SUGCT: variants seen among roughly 807,000 people sequenced by gnomAD.
SUGCT encodes succinyl-CoA:glutarate CoA-transferase.
In SUGCT, 41 loss-of-function variants were observed where a neutral mutation model predicts 55.0. The observed-to-expected ratio is 0.74, with a 90% confidence interval of 0.58 to 0.97. The LOEUF (loss-of-function observed/expected upper bound fraction) is 0.97, where lower values mean the gene tolerates loss of function less well. Among genes scored for constraint, SUGCT ranks in the 50% least tolerant of loss-of-function variants. The pLI is 0.00. For missense variants in SUGCT, 568 were observed against 547.8 expected (o/e 1.04, Z -0.37); for synonymous variants, 187 against 200.4 (o/e 0.93, Z 0.56).
At chr7:41,026,397 G>A in the SUGCT span, among the ~76,000 whole-genome samples, 3 of 152,174 alleles carry the variant, frequency 2.0e-5, no homozygotes, top group East Asian at 5.8e-4. Context: ...TTACAGTTTG[G>A]ACCTGGCTGT....
chr7:40,700,966 T>C (rs1785148696), intron 12 of SUGCT, among the ~76,000 whole-genome samples: 1 of 152,156 alleles, frequency 6.6e-6, no homozygotes, highest in Non-Finnish European at 1.5e-5. Context: ...TTCTGAAAAT[T>C]ACAAGCAAGG....
At chr7:40,311,152 C>T (rs1488649514) in intron 8 of SUGCT, among the ~76,000 whole-genome samples, 1 of 152,224 alleles carries the variant, frequency 6.6e-6, no homozygotes, top group Non-Finnish European at 1.5e-5. Flanking sequence ...TTTCTCCTCT[C>T]TGTCACCATT....
At chr7:40,188,330 T>G (rs1562562969) in intron 3 of SUGCT, among the ~76,000 whole-genome samples, 165 bp from the exon 4 acceptor site, 1 of 147,118 alleles carries the variant, frequency 6.8e-6, no homozygotes, top group Non-Finnish European at 1.5e-5. Flanking sequence ...GCTACTCAGG[T>G]GGCTGAGGCA....
At chr7:40,837,792 T>G (rs1793068204) in intron 13 of SUGCT, among the ~76,000 whole-genome samples, 1 of 152,062 alleles carries the variant, frequency 6.6e-6, no homozygotes, top group African/African-American at 2.4e-5. Context: ...TTTTGTATTT[T>G]TAGTAAAGGT....
chr7:40,841,863 G>A (rs1793296971), intron 13 of SUGCT, among the ~76,000 whole-genome samples: 1 of 152,132 alleles, frequency 6.6e-6, no homozygotes, highest in Non-Finnish European at 1.5e-5. Context: ...TTTGGGGAGA[G>A]TGAATATTAC....
chr7:40,140,679 A>G lies in SUGCT; in HGVS notation c.100+5559A>G, dbSNP rs112238375. On this transcript the variant is annotated intron_variant, in intron 1 of 13. Transcript: ENST00000335693. ...CTCCCAAAGTGCTGGGATTACAGGCATGAGGCACCGCACCTGGCCCTATGT... is the reference window on the plus strand; with the variant it reads ...CTCCCAAAGTGCTGGGATTACAGGCGTGAGGCACCGCACCTGGCCCTATGT... Among the ~76,000 whole-genome samples the G allele has an allele frequency of 1.1e-4, 16 of 152,064 alleles. 1 individual carries two copies. Among genetic ancestry groups the G allele is most frequent in the African/African-American group, 3.6e-4 (15 of 41,332 alleles).
At chr7:40,903,410 GAGA>G in the SUGCT span, among the ~76,000 whole-genome samples, 2 of 152,266 alleles carry the variant, frequency 1.3e-5, no homozygotes, top group South Asian at 4.1e-4. Flanking sequence ...AGGGCCAGGG[GAGA>G]AGAAGAGAAG....
At chr7:40,372,997 T>C (rs569740470) in intron 9 of SUGCT, among the ~76,000 whole-genome samples, 1 of 152,098 alleles carries the variant, frequency 6.6e-6, no homozygotes, top group African/African-American at 2.4e-5. Context: ...ACTCTAAGAA[T>C]TAAGATTTGT....
chr7:40,774,757 G>A (rs1789363852), intron 13 of SUGCT, among the ~76,000 whole-genome samples: 1 of 146,084 alleles, frequency 6.8e-6, no homozygotes, highest in African/African-American at 2.5e-5. Flanking sequence ...GAAATATAAC[G>A]ACTAAGGCAT....
chr7:40,342,919 A>G (rs889109719), intron 9 of SUGCT, among the ~76,000 whole-genome samples: 3 of 152,252 alleles, frequency 2.0e-5, no homozygotes, highest in African/African-American at 7.2e-5. Flanking sequence ...CTGGGATTAC[A>G]GGCATGGGCC....
intron 12 of SUGCT, among the ~76,000 whole-genome samples, chr7:40,586,061 T>A (rs934925575): frequency 8.5e-5 from 13 of 152,346 alleles, no homozygotes; most frequent in Non-Finnish European, 1.8e-4. Context: ...TAAATTTTTT[T>A]AATATAATTG....
chr7:40,860,314 AG>A lies in SUGCT; in HGVS notation c.1154del. ...CTTCCTGCTTTCCTTCTCCTTTGGCAGGCCCAGCTGTGAGATACAGTAAGTT... is the reference window on the plus strand; with the variant it reads ...CTTCCTGCTTTCCTTCTCCTTTGGCAGCCCAGCTGTGAGATACAGTAAGTT... On this transcript the variant is annotated splice_acceptor_variant, in intron 13 of 13. Coordinates refer to ENST00000335693, the MANE Select transcript of SUGCT (RefSeq NM_001193313.2). LOFTEE classifies it high-confidence loss of function. The A allele has an allele frequency of 6.2e-7, 1 of 1,613,926 alleles. No homozygotes were observed. The highest frequency in any genetic ancestry group is 1.1e-5 in the South Asian group (1 of 91,080).
chr7:40,274,543 A>G lies in SUGCT; in HGVS notation c.607A>G (p.Met203Val), dbSNP rs745838651. Reference protein sequence around the residue: ...NGDPVRPGVAMTDLATGLYAY... With the variant: ...NGDPVRPGVAVTDLATGLYAY... ...AGATCCAGTTCGCCCAGGAGTAGCT[A>G]TGACTGATCTTGCCACTGGCCTGTA... Residue 203 changes from methionine to valine, a missense_variant, in exon 8 of 14, where the codon ATG (methionine) becomes GTG (valine). By Grantham distance (21) the Met-to-Val change is conservative (BLOSUM62 1). Coordinates refer to ENST00000335693, the MANE Select transcript of SUGCT (RefSeq NM_001193313.2). 9 of 1,613,802 alleles carry G rather than the reference A, an allele frequency of 5.6e-6. No individual in the cohort carries two copies. The Admixed American group carries it at 1.0e-4, about 18-fold the overall frequency.
intron 6 of SUGCT, among the ~76,000 whole-genome samples, chr7:40,197,371 T>C (rs1786349389): frequency 6.6e-6 from 1 of 152,244 alleles, no homozygotes; most frequent in Non-Finnish European, 1.5e-5. Context: ...AATTATCTTC[T>C]GAATTATCAT....
At chr7:40,711,575 G>A (rs1294174536) in intron 12 of SUGCT, among the ~76,000 whole-genome samples, 1 of 152,062 alleles carries the variant, frequency 6.6e-6, no homozygotes, top group Non-Finnish European at 1.5e-5. Context: ...ACGTTAGTTT[G>A]CAACTTCTGT....
chr7:40,915,425 A>G, the SUGCT span, among the ~76,000 whole-genome samples: 1 of 152,152 alleles, frequency 6.6e-6, no homozygotes, highest in South Asian at 2.1e-4. Context: ...CAGACAATTC[A>G]TAGGAGGAAT....
chr7:40,806,747 T>C (rs1791114636), intron 13 of SUGCT, among the ~76,000 whole-genome samples: 1 of 152,138 alleles, frequency 6.6e-6, no homozygotes, highest in African/African-American at 2.4e-5. Context: ...TTAAAATCAA[T>C]AATATTGGTA....
At chr7:40,412,412 G>C (rs532313832) in intron 9 of SUGCT, among the ~76,000 whole-genome samples, 1 of 152,140 alleles carries the variant, frequency 6.6e-6, no homozygotes, top group South Asian at 2.1e-4. Context: ...TCCTGTTATT[G>C]CTAGGAGGAA....
intron 12 of SUGCT, among the ~76,000 whole-genome samples, chr7:40,577,834 C>A (rs996757592): frequency 3.3e-5 from 5 of 152,126 alleles, no homozygotes; most frequent in Non-Finnish European, 5.9e-5. Flanking sequence ...AAGCTGATTT[C>A]TTTTGCTTTT....
Sources: gnomAD v4.1 joint callset for allele counts (sites outside exome capture counted in the v4.1 genomes callset) on GRCh38, gnomAD v4.1.1 for gene constraint, MANE v1.5 for transcripts, NCBI Gene and HGNC (gene_info 2026-07-23, HGNC 2026-07-21) for gene names.